NALF1: variants seen among roughly 807,000 people sequenced by gnomAD.
The protein encoded by NALF1 is NALCN channel auxiliary factor 1.
Under a neutral mutation model 48.4 loss-of-function variants are expected in NALF1, and 3 were observed. The observed-to-expected ratio is 0.06, with a 90% CI of 0.03 to 0.16. The LOEUF is 0.16. Ranked by LOEUF, NALF1 falls within the 10% of genes least tolerant of loss-of-function variation. The probability of loss-of-function intolerance (pLI) is 1.00; values close to 1 mark genes in which losing one functional copy is unlikely to be tolerated. For missense variants in NALF1, 526 were observed against 571.5 expected (o/e 0.92, Z 0.81); for synonymous variants, 262 against 245.7 (o/e 1.07, Z -0.62).
chr13:107,576,136 A>C lies in NALF1; in HGVS notation c.915+289546T>G, dbSNP rs570596269. ...CAAACCTCATTATGTTCTCTGCCCT[A>C]CTTGAGTTCAGGAAATGCGCTCTAC... On this transcript the variant is annotated intron_variant, in intron 1 of 2. Coordinates refer to ENST00000375915, the MANE Select transcript of NALF1 (RefSeq NM_001080396.3). Among the ~76,000 whole-genome samples the C allele has an allele frequency of 2.0e-5, 3 of 152,240 alleles. No homozygotes were observed. The East Asian group carries it at 5.8e-4, about 29-fold the overall frequency.
chr13:107,321,089 T>C (rs1320658822), intron 1 of NALF1: 4 of 152,054 alleles, frequency 2.6e-5, no homozygotes, highest in Non-Finnish European at 5.9e-5. Flanking sequence ...TTAACATATA[T>C]AGAAAAAGTT....
At chr13:107,611,390 G>A (rs879923977) in intron 1 of NALF1, among the ~76,000 whole-genome samples, 3 of 152,190 alleles carry the variant, frequency 2.0e-5, no homozygotes, top group African/African-American at 7.2e-5. Context: ...AGAGAGATGT[G>A]CACATTCATA....
intron 1 of NALF1, among the ~76,000 whole-genome samples, chr13:107,822,641 A>G (rs923551002): frequency 3.3e-5 from 5 of 152,226 alleles, no homozygotes; most frequent in Admixed American, 3.3e-4. Context: ...TAAATCATGA[A>G]TACTGTAAAA....
At chr13:107,810,121 C>G (rs1444961134) in intron 1 of NALF1, among the ~76,000 whole-genome samples, 1 of 152,028 alleles carries the variant, frequency 6.6e-6, no homozygotes, top group Non-Finnish European at 1.5e-5. Flanking sequence ...ATCCTCTTTC[C>G]TAAATATGAT....
Position 107,867,345 on chromosome 13 carries a change from C to G in NALF1, c.-749G>C, listed in dbSNP as rs1387468607. 7.1e-6 allele frequency among the ~76,000 whole-genome samples: 1 copy of G among 140,380 alleles called. No individual in the cohort carries two copies. The highest frequency in any genetic ancestry group is 1.6e-5 in the Non-Finnish European group (1 of 63,926). 92.1% of individuals were successfully genotyped at this position (140,380 alleles called of 152,430 possible). A position where few individuals can be genotyped will look rare whatever the true frequency, so the allele number is the denominator to read the frequency against. ...GCCGCCGCCGCTGCCGCAGGGCCGCCCGCGGGCGCCGCCGCCGGGGCTCCG... is the reference window on the plus strand; with the variant it reads ...GCCGCCGCCGCTGCCGCAGGGCCGCGCGCGGGCGCCGCCGCCGGGGCTCCG... On this transcript the variant is annotated 5_prime_UTR_variant, in exon 1 of 3. Coordinates refer to ENST00000375915, the MANE Select transcript of NALF1 (RefSeq NM_001080396.3). This position sits in a 1 kb window ranked among gnomAD's most constrained non-coding sequence, Gnocchi z 4.4.
chr13:107,725,816 T>C (rs1464860758), intron 1 of NALF1, among the ~76,000 whole-genome samples: 1 of 152,214 alleles, frequency 6.6e-6, no homozygotes, highest in African/African-American at 2.4e-5. Context: ...TAACCTGATA[T>C]GAGTGGCCAT....
intron 1 of NALF1, among the ~76,000 whole-genome samples, chr13:107,488,638 C>T (rs1279085521): frequency 6.6e-6 from 1 of 152,020 alleles, no homozygotes; most frequent in East Asian, 1.9e-4. Flanking sequence ...ATAATAAGAG[C>T]CGTATATGAC....
At chr13:107,635,751 T>A (rs1303757352) in intron 1 of NALF1, among the ~76,000 whole-genome samples, 9 of 152,186 alleles carry the variant, frequency 5.9e-5, no homozygotes, top group Admixed American at 5.9e-4. Flanking sequence ...AAGCCGCACA[T>A]GACTGTTACT....
At chr13:107,262,786 C>CTCTG (rs1880958992) in intron 1 of NALF1, among the ~76,000 whole-genome samples, 1 of 151,870 alleles carries the variant, frequency 6.6e-6, no homozygotes. Context: ...CTCTCTCTCT[C>CTCTG]TCTCTCTCTC....
chr13:107,847,824 T>A (rs1020922548), intron 1 of NALF1, among the ~76,000 whole-genome samples: 1 of 152,206 alleles, frequency 6.6e-6, no homozygotes, highest in African/African-American at 2.4e-5. Flanking sequence ...CCACAGAAAG[T>A]GTGAGATAAT....
chr13:107,181,859 G>T (rs776269180), intron 2 of NALF1, among the ~76,000 whole-genome samples: 2 of 151,678 alleles, frequency 1.3e-5, no homozygotes, highest in Non-Finnish European at 2.9e-5. Context: ...TGCAATTATT[G>T]GTTTATATTT....
At position 107,407,459 on chromosome 13, in the gene NALF1, A is replaced by T. The variant is rs554627171; in HGVS notation, c.916-196704T>A. Among the ~76,000 whole-genome samples, 13 of 152,216 alleles carry T rather than the reference A, an allele frequency of 8.5e-5. No individual in the cohort carries two copies. The East Asian group carries it at 1.5e-3, about 18-fold the overall frequency. On this transcript the variant is annotated intron_variant, in intron 1 of 2. Transcript: ENST00000375915. ...TAAAACGGGCAAAAGATCTGAATAG[A>T]CATTACTCAAAAGAAGACATACAAA...
chr13:107,512,166 G>A lies in NALF1; in HGVS notation c.916-301411C>T, dbSNP rs530298605. Reference sequence around the variant, plus strand: ...TCCCAGCACTTTGGGAGGCCAAGGCGGGTGGATCACGAGGTCAGGAGATCG... The same window carrying A: ...TCCCAGCACTTTGGGAGGCCAAGGCAGGTGGATCACGAGGTCAGGAGATCG... On this transcript the variant is annotated intron_variant, in intron 1 of 2. Transcript: ENST00000375915. Among the ~76,000 whole-genome samples, 16 of 152,276 alleles carry A rather than the reference G, an allele frequency of 1.1e-4. No individual in the cohort carries two copies. In the East Asian group the frequency reaches 1.9e-3, roughly 18 times the overall value.
chr13:107,488,490 T>C (rs1005084219), intron 1 of NALF1, among the ~76,000 whole-genome samples: 91 of 152,236 alleles, frequency 6.0e-4, no homozygotes, highest in African/African-American at 2.1e-3. Context: ...TAAATGTGAT[T>C]CATCCCATAA....
chr13:107,409,408 T>A (rs1017132603), intron 1 of NALF1, among the ~76,000 whole-genome samples: 2 of 151,738 alleles, frequency 1.3e-5, no homozygotes, highest in African/African-American at 4.8e-5. Flanking sequence ...TAGAGGGAAA[T>A]ACGGGAAAGA....
chr13:107,676,110 A>G (rs566466977), intron 1 of NALF1, among the ~76,000 whole-genome samples: 2 of 152,334 alleles, frequency 1.3e-5, no homozygotes, highest in African/African-American at 4.8e-5. Flanking sequence ...AAAACACTCA[A>G]GCCTGCTCTG....
intron 1 of NALF1, among the ~76,000 whole-genome samples, chr13:107,434,665 A>T (rs1243746992): frequency 6.6e-6 from 1 of 152,224 alleles, no homozygotes; most frequent in Non-Finnish European, 1.5e-5. Context: ...GAAGTTGAAA[A>T]TCAGCAAATC....
intron 1 of NALF1, among the ~76,000 whole-genome samples, chr13:107,395,024 T>C (rs1883688701): frequency 6.6e-6 from 1 of 152,170 alleles, no homozygotes; most frequent in East Asian, 1.9e-4. Context: ...ATGTGCTAGA[T>C]GCTAGGAGAG....
intron 1 of NALF1, among the ~76,000 whole-genome samples, chr13:107,754,384 CACACACACACACA>C (rs1877029905): frequency 2.0e-5 from 3 of 149,806 alleles, no homozygotes; most frequent in African/African-American, 5.1e-5. Flanking sequence ...CACACACACA[CACACACACACACA>C]CCATATATGG....
Sources: allele counts gnomAD v4.1 joint callset (sites outside exome capture counted in the v4.1 genomes callset), GRCh38; gene constraint gnomAD v4.1.1; non-coding constraint Gnocchi (gnomAD v3.1); transcripts MANE v1.5; gene names NCBI Gene and HGNC (gene_info 2026-07-23, HGNC 2026-07-21).